Variants in UBN2 observed in about 807,000 individuals in gnomAD.
The protein encoded by UBN2 is ubinuclein-2.
In UBN2, 35 loss-of-function variants were observed where a neutral mutation model predicts 120.2. That is an observed-to-expected ratio of 0.29 (90% confidence interval 0.22 to 0.39). The LOEUF is 0.39. Among genes scored for constraint, UBN2 ranks in the 10% least tolerant of loss-of-function variants. The probability of loss-of-function intolerance (pLI) is 1.00; values close to 1 mark genes in which losing one functional copy is unlikely to be tolerated. For synonymous variants in UBN2, 661 were observed against 648.7 expected, an observed-to-expected ratio of 1.02 and a Z score of -0.29; for missense variants, 1,693 against 1,663.2, an observed-to-expected ratio of 1.02 and a Z score of -0.31.
intron 2 of UBN2, among the ~76,000 whole-genome samples, chr7:139,248,392 C>G (rs1563205476): frequency 3.3e-5 from 5 of 152,084 alleles, no homozygotes; most frequent in Admixed American, 2.6e-4. Flanking sequence ...TCTTTATCAG[C>G]AGTGTTTGAG....
At chr7:139,282,751 A>G (rs2131034274) in intron 14 of UBN2, among the ~76,000 whole-genome samples, 1 of 152,226 alleles carries the variant, frequency 6.6e-6, no homozygotes, top group South Asian at 2.1e-4. Context: ...CAGGTGGGGG[A>G]GGCTCATCAG....
the UBN2 span, among the ~76,000 whole-genome samples, chr7:139,325,238 A>G: frequency 6.6e-6 from 1 of 151,032 alleles, no homozygotes; most frequent in East Asian, 1.9e-4. Flanking sequence ...AGTACATAAT[A>G]TAAAAAAGTT....
chr7:139,231,496 G>T lies in UBN2; in HGVS notation c.12G>T (p.Pro4=). Residue 4 remains proline (P), a synonymous_variant, in exon 1 of 18, where the codon CCG becomes CCT. Coordinates refer to ENST00000473989, the MANE Select transcript of UBN2 (RefSeq NM_173569.4). Reference sequence around the variant, plus strand: ...CCAGAACAGTGGGGATGGCGGAGCCGCGCAGAGTAGCGTTCATTAGCTTGT... The same window carrying T: ...CCAGAACAGTGGGGATGGCGGAGCCTCGCAGAGTAGCGTTCATTAGCTTGT... MAE[P]RRVAFISLSP... is the part of the protein sequence containing the mutation. 7.2e-7 allele frequency: 1 copy of T among 1,396,486 alleles called. No homozygotes were observed. 86.5% of individuals were successfully genotyped at this position (1,396,486 alleles called of 1,614,324 possible).
chr7:139,273,478 C>G, intron 10 of UBN2, 68 bp downstream of exon 10: 2 of 1,069,954 alleles, frequency 1.9e-6, no homozygotes, highest in South Asian at 4.2e-5. Context: ...AAAAAAAAAT[C>G]TATAATAAAT....
the UBN2 span, among the ~76,000 whole-genome samples, chr7:139,322,680 C>T: frequency 7.1e-6 from 1 of 141,638 alleles, no homozygotes; most frequent in South Asian, 2.2e-4. Flanking sequence ...AGTGCAGTGG[C>T]ATCCCACCAC....
At chr7:139,318,515 G>T in the UBN2 span, among the ~76,000 whole-genome samples, 1 of 152,058 alleles carries the variant, frequency 6.6e-6, no homozygotes, top group African/African-American at 2.4e-5. Context: ...TTGTTTGTTT[G>T]TTTTTTAAGA....
chr7:139,261,757 C>A lies in UBN2; in HGVS notation c.1395+16C>A, dbSNP rs1054543192. ...CCTTCGTGTAGTAAGTGTAATAATT[C>A]TCTTGCTTTTTATTTGCTGCACAAA... On this transcript the variant is annotated intron_variant, in intron 6 of 17. Coordinates refer to ENST00000473989, the MANE Select transcript of UBN2 (RefSeq NM_173569.4). The A allele has an allele frequency of 1.3e-6, 2 of 1,590,692 alleles. No individual in the cohort carries two copies. Among genetic ancestry groups the A allele is most frequent in the African/African-American group, 2.7e-5 (2 of 74,124 alleles).
downstream of UBN2, among the ~76,000 whole-genome samples, chr7:139,311,399 A>G (rs898023629): frequency 6.6e-6 from 1 of 151,938 alleles, no homozygotes; most frequent in African/African-American, 2.4e-5. Context: ...CATCTTTTCT[A>G]GTAGGGTGGC....
In UBN2 at chr7:139,289,896, A is replaced by T. The variant is rs528205843; in HGVS notation, c.3670-3336A>T. Among the ~76,000 whole-genome samples the T allele has an allele frequency of 9.2e-3, 1,304 of 142,060 alleles. 15 individuals carry two copies. The highest frequency in any genetic ancestry group is 0.031 in the African/African-American group (1,202 of 39,054). The allele number at this position is 142,060 out of a possible 152,430, so 93.2% of individuals were successfully genotyped here. On this transcript the variant is annotated intron_variant, in intron 15 of 17. Transcript: ENST00000473989. ...GATTAGAAGAAGCAACTCTGGTTAA[A>T]TTTTTTTTTTTTTCCGAGACAGAGT... is the stretch of plus-strand genomic sequence containing the variant.
chr7:139,286,779 C>T (rs1036464837), intron 15 of UBN2, among the ~76,000 whole-genome samples: 2 of 152,090 alleles, frequency 1.3e-5, no homozygotes, highest in Admixed American at 6.6e-5. Context: ...TTATGTGGAA[C>T]AGGAACATGT....
chr7:139,284,500 G>A lies in UBN2; in HGVS notation c.3595G>A (p.Ala1199Thr), dbSNP rs768159775. Reference sequence around the variant, plus strand: ...GGGAACAGGAAGTGGAACACAGGGTGCTACCAAACCATTGTCTACTCCACA... The same window carrying A: ...GGGAACAGGAAGTGGAACACAGGGTACTACCAAACCATTGTCTACTCCACA... ...SGGTGSGTQGATKPLSTPHRP... is the reference protein window; with the variant it reads ...SGGTGSGTQGTTKPLSTPHRP... The change falls in exon 15 of 18, where the codon GCT (alanine) becomes ACT (threonine). Residue 1199 changes from alanine (A) to threonine (T), a missense_variant. Ala to Thr is a moderately conservative substitution (Grantham distance 58). This residue lies in a region of UBN2 where 837 missense variants were observed against 817.6 expected (regional missense o/e 1.02). Coordinates refer to ENST00000473989, the MANE Select transcript of UBN2 (RefSeq NM_173569.4). The A allele has an allele frequency of 6.2e-7, 1 of 1,614,120 alleles. No individual in the cohort carries two copies. Among genetic ancestry groups the A allele is most frequent in the Admixed American group, 1.7e-5 (1 of 60,022 alleles).
At chr7:139,264,092 C>G (rs1368403090) in intron 6 of UBN2, among the ~76,000 whole-genome samples, 1 of 152,102 alleles carries the variant, frequency 6.6e-6, no homozygotes, top group Non-Finnish European at 1.5e-5. Context: ...AAAAATAGTA[C>G]TAATTTATTA....
At chr7:139,319,798 C>T in the UBN2 span, among the ~76,000 whole-genome samples, 8 of 151,624 alleles carry the variant, frequency 5.3e-5, no homozygotes, top group Non-Finnish European at 7.4e-5. Flanking sequence ...AACACTCAGG[C>T]GGGTGTGGTG....
chr7:139,318,685 G>A, the UBN2 span, among the ~76,000 whole-genome samples: 1 of 151,900 alleles, frequency 6.6e-6, no homozygotes, highest in African/African-American at 2.4e-5. Context: ...TTTGAGGCCT[G>A]GATTTAAAGA....
At chr7:139,329,710 GTA>G in the UBN2 span, among the ~76,000 whole-genome samples, 1 of 151,926 alleles carries the variant, frequency 6.6e-6, no homozygotes, top group Non-Finnish European at 1.5e-5. Context: ...TCTTGTCCCA[GTA>G]TGTTTCTGCT....
chr7:139,239,130 GA>G (rs1796242194), intron 2 of UBN2, among the ~76,000 whole-genome samples: 2 of 152,118 alleles, frequency 1.3e-5, no homozygotes, highest in Non-Finnish European at 2.9e-5. Context: ...TGTGGTACTA[GA>G]GATACATCTC....
At chr7:139,262,759 T>C (rs1008862982) in intron 6 of UBN2, among the ~76,000 whole-genome samples, 1 of 151,628 alleles carries the variant, frequency 6.6e-6, no homozygotes, top group African/African-American at 2.4e-5. Context: ...ATAACTATAG[T>C]GATAACATCA....
chr7:139,282,227 T>A lies in UBN2; in HGVS notation c.2118+172T>A, dbSNP rs1257592319. Among the ~76,000 whole-genome samples the A allele has an allele frequency of 5.9e-5, 9 of 152,348 alleles. No homozygotes were observed. In the East Asian group the frequency reaches 1.5e-3, roughly 26 times the overall value. Reference sequence around the variant, plus strand: ...TACTTTTATCTTTAAAAATAAATAGTTGCTTTTAAATTATTTTGCTCTTTG... The same window carrying A: ...TACTTTTATCTTTAAAAATAAATAGATGCTTTTAAATTATTTTGCTCTTTG... On this transcript the variant is annotated intron_variant, in intron 14 of 17. Transcript: ENST00000473989.
chr7:139,327,749 TAA>T, the UBN2 span, among the ~76,000 whole-genome samples: 1 of 152,214 alleles, frequency 6.6e-6, no homozygotes, highest in African/African-American at 2.4e-5. Context: ...GAATGGAAGA[TAA>T]GAGTCTTGTG....
Sources: allele counts gnomAD v4.1 joint callset (sites outside exome capture counted in the v4.1 genomes callset), GRCh38; gene constraint gnomAD v4.1.1; regional missense constraint gnomAD v4.1.1; transcripts MANE v1.5; gene names NCBI Gene and HGNC (gene_info 2026-07-23, HGNC 2026-07-21).